RNF26: variants seen among roughly 807,000 people sequenced by gnomAD.
RNF26 encodes E3 ubiquitin-protein ligase RNF26.
In RNF26, 8 loss-of-function variants were observed where a neutral mutation model predicts 25.4. The ratio of observed to expected loss-of-function variants is 0.31; its 90% CI spans 0.18 to 0.57. The LOEUF is 0.57. Ranked by LOEUF, RNF26 falls within the 20% of genes least tolerant of loss-of-function variation. RNF26 has a pLI of 0.90. For missense variants in RNF26, 470 were observed against 552.0 expected (o/e 0.85, Z 1.49); for synonymous variants, 262 against 246.7 (o/e 1.06, Z -0.58).
Position 119,336,524 on chromosome 11 carries a change from C to T in RNF26, c.*100C>T, listed in dbSNP as rs1267347599. On this transcript the variant is annotated 3_prime_UTR_variant, in exon 1 of 1. Transcript: ENST00000311413. ...CTCCGGGTCCTGGTCTGAATCCCCT[C>T]CTACCCCTGTGGCCATCCTGCCATA... The T allele has an allele frequency of 1.9e-6, 2 of 1,056,966 alleles. No homozygotes were observed. The highest frequency in any genetic ancestry group is 2.2e-4 in the Middle Eastern group (1 of 4,588). The allele number at this position is 1,056,966 out of a possible 1,614,324, so 65.5% of individuals were successfully genotyped here.
chr11:119,336,632 A>G lies in RNF26; in HGVS notation c.*208A>G. 1.6e-6 allele frequency: 1 copy of G among 607,250 alleles called. No homozygotes were observed. Among genetic ancestry groups the G allele is most frequent in the Non-Finnish European group, 3.0e-6 (1 of 333,374 alleles). 37.6% of individuals were successfully genotyped at this position (607,250 alleles called of 1,614,324 possible). On this transcript the variant is annotated 3_prime_UTR_variant, in exon 1 of 1. Transcript: ENST00000311413. Reference sequence around the variant, plus strand: ...TCTCTTTACCCAGTGGGTCCCTTCGATGCTGAGGGTGGTGAGTATGTCACT... The same window carrying G: ...TCTCTTTACCCAGTGGGTCCCTTCGGTGCTGAGGGTGGTGAGTATGTCACT...
At position 119,335,269 on chromosome 11, in the gene RNF26, G is replaced by A; in HGVS notation, c.147G>A (p.Thr49=). The change falls in exon 1 of 1, where the codon ACG becomes ACA. Residue 49 remains threonine, a synonymous_variant. Coordinates refer to ENST00000311413, the MANE Select transcript of RNF26 (RefSeq NM_032015.5). ...CCTTCGTCTACAACCTGCCGCACACGGTACTGACTAGTCTTCTGCACTTGG... is the reference window on the plus strand; with the variant it reads ...CCTTCGTCTACAACCTGCCGCACACAGTACTGACTAGTCTTCTGCACTTGG... ...LLAFVYNLPH[T]VLTSLLHLGR... 4 of 1,614,150 alleles carry A rather than the reference G, an allele frequency of 2.5e-6. No individual in the cohort carries two copies. The highest frequency in any genetic ancestry group is 2.2e-5 in the East Asian group (1 of 44,866).
rs1219995616 is a variant in RNF26, at chr11:119,336,041, C to A, written c.919C>A (p.Pro307Thr). ...LASWPNRGGA[P>T]GAPQGDPMRV... The stretch of plus-strand genomic sequence containing the variant: ...GAGTTGGCCAAACCGGGGAGGGGCA[C>A]CTGGAGCTCCCCAGGGTGACCCTAT... The change falls in exon 1 of 1, where the codon CCT becomes ACT. Residue 307 changes from proline to threonine, a missense_variant. Coordinates refer to ENST00000311413, the MANE Select transcript of RNF26 (RefSeq NM_032015.5). 1 of 1,613,808 alleles carries A rather than the reference C, an allele frequency of 6.2e-7. No individual in the cohort carries two copies. Among genetic ancestry groups the A allele is most frequent in the South Asian group, 1.1e-5 (1 of 91,090 alleles).
In RNF26 at chr11:119,336,089, C is replaced by T. The variant is rs756432249; in HGVS notation, c.967C>T (p.Arg323Trp). The change falls in exon 1 of 1, where the codon CGG becomes TGG. Residue 323 changes from arginine to tryptophan, a missense_variant. Physicochemically the swap from Arg to Trp is moderately radical, Grantham distance 101. Transcript: ENST00000311413. ...TATGAGGGTATTCTCAGTTAGGACC[C>T]GGAGACAGGACACTCTTCCTGAAGC... is the stretch of plus-strand genomic sequence containing the variant. ...DPMRVFSVRT[R>W]RQDTLPEAGR... The T allele has an allele frequency of 3.8e-5, 62 of 1,613,956 alleles. No homozygotes were observed. In the Middle Eastern group the frequency reaches 4.9e-4, roughly 13 times the overall value.
At position 119,336,394 on chromosome 11, in the gene RNF26, C is replaced by T. The variant is rs762288972; in HGVS notation, c.1272C>T (p.Gly424=). ...YHRNCPLCRR[G]ILQTLNVYL ...GCAATTGCCCGCTCTGCCGCCGGGG[C>T]ATCCTGCAGACCCTCAATGTCTACC... Residue 424 remains glycine, a synonymous_variant, in exon 1 of 1, where the codon GGC becomes GGT. Transcript: ENST00000311413. 1 of 1,610,838 alleles carries T rather than the reference C, an allele frequency of 6.2e-7. No individual in the cohort carries two copies. The highest frequency in any genetic ancestry group is 8.5e-7 in the Non-Finnish European group (1 of 1,179,698).
rs761742486 is a variant in RNF26, at chr11:119,336,101, A to G, written c.979A>G (p.Thr327Ala). ...CTCAGTTAGGACCCGGAGACAGGAC[A>G]CTCTTCCTGAAGCGGGGCGCAGATC... ...VFSVRTRRQD[T>A]LPEAGRRSEA... The change falls in exon 1 of 1, where the codon ACT becomes GCT. Residue 327 changes from threonine to alanine, a missense_variant. Physicochemically the swap from Thr to Ala is moderately conservative, Grantham distance 58. Coordinates refer to ENST00000311413, the MANE Select transcript of RNF26 (RefSeq NM_032015.5). The G allele has an allele frequency of 2.4e-5, 39 of 1,613,858 alleles. No homozygotes were observed. The South Asian group carries it at 4.3e-4, about 18-fold the overall frequency.
Position 119,335,836 on chromosome 11 carries a change from G to C in RNF26, c.714G>C (p.Leu238=), listed in dbSNP as rs768819208. 2 of 1,611,460 alleles carry C rather than the reference G, an allele frequency of 1.2e-6. No individual in the cohort carries two copies. Among genetic ancestry groups the C allele is most frequent in the Non-Finnish European group, 1.7e-6 (2 of 1,180,010 alleles). ...GCTTGGTGTTGCTAGCTTGTGTGCT[G>C]GCAGTGACGGTGACTGTGTTGCATC... ...LTGLVLLACV[L]AVTVTVLHPD... Residue 238 remains leucine (L), a synonymous_variant, in exon 1 of 1, where the codon CTG becomes CTC. Transcript: ENST00000311413.
chr11:119,335,986 C>G lies in RNF26; in HGVS notation c.864C>G (p.Arg288=). Residue 288 remains arginine, a synonymous_variant, in exon 1 of 1, where the codon CGC becomes CGG. Coordinates refer to ENST00000311413, the MANE Select transcript of RNF26 (RefSeq NM_032015.5). The part of the protein sequence containing the change: ...SRLALGSEAW[R]RVWSRSLQLA... ...TAGCACTGGGCTCAGAGGCCTGGCG[C>G]CGAGTCTGGAGCCGCAGTCTGCAGC... 2.5e-6 allele frequency: 4 copies of G among 1,612,808 alleles called. No homozygotes were observed. Among genetic ancestry groups the G allele is most frequent in the Non-Finnish European group, 3.4e-6 (4 of 1,180,030 alleles).
chr11:119,335,629 G>C lies in RNF26; in HGVS notation c.507G>C (p.Leu169=). 1 of 1,613,068 alleles carries C rather than the reference G, an allele frequency of 6.2e-7. No homozygotes were observed. The part of the protein sequence containing the change: ...TQNLFSLVLA[L]WDAVTGPLWR... ...ACCTCTTTTCCCTGGTGCTGGCCCT[G>C]TGGGATGCAGTGACCGGGCCTCTGT... The change falls in exon 1 of 1, where the codon CTG becomes CTC. Residue 169 remains leucine, a synonymous_variant. Coordinates refer to ENST00000311413, the MANE Select transcript of RNF26 (RefSeq NM_032015.5).
chr11:119,335,341 C>T lies in RNF26; in HGVS notation c.219C>T (p.Val73=), dbSNP rs750817388. Residue 73 remains valine, a synonymous_variant, in exon 1 of 1, where the codon GTC becomes GTT. Transcript: ENST00000311413. ...TGCTGGCCTTGATCGAAGCCGTGGT[C>T]CGGTTCACATGTGGGGGCTTGCAGG... ...LSLLALIEAV[V]RFTCGGLQAL... 1.9e-6 allele frequency: 3 copies of T among 1,614,206 alleles called. No individual in the cohort carries two copies. Among genetic ancestry groups the T allele is most frequent in the Middle Eastern group, 1.6e-4 (1 of 6,062 alleles).
In RNF26 at chr11:119,335,614, C is replaced by T. The variant is rs1950435850; in HGVS notation, c.492C>T (p.Ser164=). The change falls in exon 1 of 1, where the codon TCC becomes TCT. Residue 164 remains serine, a synonymous_variant. Transcript: ENST00000311413. ...ICLIGTQNLF[S]LVLALWDAVT... is the part of the protein sequence containing the mutation. ...TCATCGGCACTCAGAACCTCTTTTC[C>T]CTGGTGCTGGCCCTGTGGGATGCAG... The T allele has an allele frequency of 6.2e-7, 1 of 1,612,674 alleles. No homozygotes were observed. Among genetic ancestry groups the T allele is most frequent in the Non-Finnish European group, 8.5e-7 (1 of 1,179,076 alleles).
Position 119,335,638 on chromosome 11 carries a change from A to T in RNF26, c.516A>T (p.Ala172=), listed in dbSNP as rs1950435950. The T allele has an allele frequency of 1.2e-6, 2 of 1,613,194 alleles. No homozygotes were observed. Among genetic ancestry groups the T allele is most frequent in the African/African-American group, 2.7e-5 (2 of 74,920 alleles). Residue 172 remains alanine (A), a synonymous_variant, in exon 1 of 1, where the codon GCA becomes GCT. Transcript: ENST00000311413. ...LFSLVLALWD[A]VTGPLWRMTD... is the part of the protein sequence containing the mutation. ...CCCTGGTGCTGGCCCTGTGGGATGC[A>T]GTGACCGGGCCTCTGTGGAGGATGA...
At position 119,334,972 on chromosome 11, in the gene RNF26, A is replaced by C; in HGVS notation, c.-151A>C. The C allele has an allele frequency of 1.6e-6, 1 of 630,264 alleles. No homozygotes were observed. The highest frequency in any genetic ancestry group is 2.8e-6 in the Non-Finnish European group (1 of 360,286). 39.0% of individuals were successfully genotyped at this position (630,264 alleles called of 1,614,324 possible). On this transcript the variant is annotated 5_prime_UTR_variant, in exon 1 of 1. Coordinates refer to ENST00000311413, the MANE Select transcript of RNF26 (RefSeq NM_032015.5). ...CCAAGACTCCACTTCCGTCTTACCC[A>C]CTTCTTCCTCAGATTCTTGGTACCC...
In RNF26 at chr11:119,335,970, G is replaced by A; in HGVS notation, c.848G>A (p.Gly283Asp). ...ATGCGGCTCTCTCGCCTAGCACTGGGCTCAGAGGCCTGGCGCCGAGTCTGG... is the reference window on the plus strand; with the variant it reads ...ATGCGGCTCTCTCGCCTAGCACTGGACTCAGAGGCCTGGCGCCGAGTCTGG... ...DVMRLSRLAL[G>D]SEAWRRVWSR... The change falls in exon 1 of 1, where the codon GGC (glycine) becomes GAC (aspartate). Residue 283 changes from glycine to aspartate, a missense_variant. Transcript: ENST00000311413. The A allele has an allele frequency of 1.2e-6, 2 of 1,612,134 alleles. No individual in the cohort carries two copies. Among genetic ancestry groups the A allele is most frequent in the Non-Finnish European group, 1.7e-6 (2 of 1,180,030 alleles).
In RNF26 at chr11:119,336,835, C is replaced by T. The variant is rs1950444531; in HGVS notation, c.*411C>T. 1 of 207,978 alleles carries T rather than the reference C, an allele frequency of 4.8e-6. No individual in the cohort carries two copies. The highest frequency in any genetic ancestry group is 2.3e-5 in the African/African-American group (1 of 43,004). 12.9% of individuals were successfully genotyped at this position (207,978 alleles called of 1,614,324 possible). ...TTTTGCGGCCACAACACATCAGTGTCATTTGGGTGTTTTGGCAACTCAGGG... is the reference window on the plus strand; with the variant it reads ...TTTTGCGGCCACAACACATCAGTGTTATTTGGGTGTTTTGGCAACTCAGGG... On this transcript the variant is annotated 3_prime_UTR_variant, in exon 1 of 1. Coordinates refer to ENST00000311413, the MANE Select transcript of RNF26 (RefSeq NM_032015.5).
In RNF26 at chr11:119,334,950, A is replaced by G; in HGVS notation, c.-173A>G. 1 of 608,278 alleles carries G rather than the reference A, an allele frequency of 1.6e-6. No homozygotes were observed. The highest frequency in any genetic ancestry group is 2.0e-5 in the South Asian group (1 of 49,650). 37.7% of individuals were successfully genotyped at this position (608,278 alleles called of 1,614,324 possible). A position where few individuals can be genotyped will look rare whatever the true frequency, so the allele number is the denominator to read the frequency against. ...CACCTGGCCACCTTTCCCTCTACCA[A>G]GACTCCACTTCCGTCTTACCCACTT... On this transcript the variant is annotated 5_prime_UTR_variant, in exon 1 of 1. Transcript: ENST00000311413.
Position 119,336,505 on chromosome 11 carries a change from G to A in RNF26, c.*81G>A, listed in dbSNP as rs1017183009. 7.8e-7 allele frequency: 1 copy of A among 1,275,150 alleles called. No individual in the cohort carries two copies. The highest frequency in any genetic ancestry group is 1.4e-5 in the South Asian group (1 of 72,920). 79.0% of individuals were successfully genotyped at this position (1,275,150 alleles called of 1,614,324 possible). A position where few individuals can be genotyped will look rare whatever the true frequency, so the allele number is the denominator to read the frequency against. ...GACAGCATTAACACCTCATCTCCGG[G>A]TCCTGGTCTGAATCCCCTCCTACCC... On this transcript the variant is annotated 3_prime_UTR_variant, in exon 1 of 1. Transcript: ENST00000311413.
chr11:119,334,741 A>C lies in RNF26; in HGVS notation c.-382A>C. 1 of 271,590 alleles carries C rather than the reference A, an allele frequency of 3.7e-6. No individual in the cohort carries two copies. Among genetic ancestry groups the C allele is most frequent in the Non-Finnish European group, 7.1e-6 (1 of 141,062 alleles). 16.8% of individuals were successfully genotyped at this position (271,590 alleles called of 1,614,324 possible). On this transcript the variant is annotated 5_prime_UTR_variant, in exon 1 of 1. Coordinates refer to ENST00000311413, the MANE Select transcript of RNF26 (RefSeq NM_032015.5). ...GCCCGACCCGACGCGACCCGATCCG[A>C]TCCGATCCCATTCCATCCGTTCCTC...
In RNF26 at chr11:119,335,811, G is replaced by A. The variant is rs1030512872; in HGVS notation, c.689G>A (p.Gly230Asp). 1 of 1,612,880 alleles carries A rather than the reference G, an allele frequency of 6.2e-7. No homozygotes were observed. The change falls in exon 1 of 1, where the codon GGC (glycine) becomes GAC (aspartate). Residue 230 changes from glycine (G) to aspartate (D), a missense_variant. Physicochemically the swap from Gly to Asp is moderately conservative, Grantham distance 94 (BLOSUM62 -1). Coordinates refer to ENST00000311413, the MANE Select transcript of RNF26 (RefSeq NM_032015.5). The stretch of plus-strand genomic sequence containing the variant: ...AGCTTTGTGCTTGTCAATCTCACTG[G>A]CTTGGTGTTGCTAGCTTGTGTGCTG... ...LASFVLVNLT[G>D]LVLLACVLAV...
Sources: gnomAD v4.1 joint callset for allele counts on GRCh38, gnomAD v4.1.1 for gene constraint, MANE v1.5 for transcripts, NCBI Gene and HGNC (gene_info 2026-07-23, HGNC 2026-07-21) for gene names.